The following KRT6C variants were observed in gnomAD, a reference collection of about 807,000 sequenced individuals.
KRT6C encodes keratin, type II cytoskeletal 6C.
In KRT6C, 46 loss-of-function variants were observed where a neutral mutation model predicts 49.4. The ratio of observed to expected loss-of-function variants is 0.93; its 90% CI spans 0.74 to 1.19. The LOEUF is 1.19. Ranked by LOEUF, KRT6C falls within the 50% of genes most tolerant of loss-of-function variation. The probability of loss-of-function intolerance (pLI) is 0.00; values close to 1 mark genes in which losing one functional copy is unlikely to be tolerated. For synonymous variants in KRT6C, 236 were observed against 297.1 expected (o/e 0.79, Z 2.12); for missense variants, 552 against 737.5 (o/e 0.75, Z 2.91).
chr12:52,470,017 G>C lies in KRT6C; in HGVS notation c.1204-127C>G, dbSNP rs75171044. 6.4e-4 allele frequency: 703 copies of C among 1,099,702 alleles called. 1 individual carries two copies. Among genetic ancestry groups the C allele is most frequent in the Non-Finnish European group, 8.6e-4 (637 of 739,648 alleles). The allele number at this position is 1,099,702 out of a possible 1,614,324, so 68.1% of individuals were successfully genotyped here. On this transcript the variant is annotated intron_variant, in intron 6 of 8. Coordinates refer to ENST00000252250, the MANE Select transcript of KRT6C (RefSeq NM_173086.5). The stretch of plus-strand genomic sequence containing the variant: ...AATGAGCTTTGACTCTTCCTGTCCA[G>C]TATTTCTCCATTTGGCAATATTTGT...
Position 52,469,307 on chromosome 12 carries a change from G to A in KRT6C, c.1460-10C>T. On this transcript the variant is annotated splice_polypyrimidine_tract_variant and intron_variant, in intron 8 of 8. Coordinates refer to ENST00000252250, the MANE Select transcript of KRT6C (RefSeq NM_173086.5). ...GTGGACTGTACTACAGCTGTGGTGG[G>A]GAGGGGACAAGGACACAAGAAGCCA... 6.2e-7 allele frequency: 1 copy of A among 1,613,626 alleles called. No individual in the cohort carries two copies. Among genetic ancestry groups the A allele is most frequent in the African/African-American group, 1.3e-5 (1 of 74,960 alleles).
In KRT6C at chr12:52,469,367, G is replaced by A. The variant is rs780578107; in HGVS notation, c.1459+44C>T. On this transcript the variant is annotated intron_variant, in intron 8 of 8. Coordinates refer to ENST00000252250, the MANE Select transcript of KRT6C (RefSeq NM_173086.5). The stretch of plus-strand genomic sequence containing the variant: ...CATCCTGCCGGCCTGAGCCCAGTCA[G>A]AAGAGTGCGAGGGCAGGGGAGGAAG... 3 of 1,614,080 alleles carry A rather than the reference G, an allele frequency of 1.9e-6. No homozygotes were observed. The Admixed American group carries it at 5.0e-5, about 27-fold the overall frequency.
intron 4 of KRT6C, 53 bp from the exon 5 acceptor site, chr12:52,471,349 A>G (rs1033651096): frequency 5.6e-6 from 9 of 1,614,050 alleles, no homozygotes; most frequent in African/African-American, 4.0e-5. Flanking sequence ...TTACAGAGAT[A>G]CCCAACCCTA....
intron 6 of KRT6C, chr12:52,470,275 G>A (rs1937851650): frequency 1.5e-6 from 1 of 674,298 alleles, no homozygotes; most frequent in Non-Finnish European, 2.5e-6. Context: ...TAGGGGAGGT[G>A]GTAACTTTTT....
chr12:52,470,092 C>A, intron 6 of KRT6C: 1 of 686,616 alleles, frequency 1.5e-6, no homozygotes, highest in Non-Finnish European at 2.5e-6. Flanking sequence ...TATTAAGCAC[C>A]CGCATGAGAA....
intron 8 of KRT6C, 28 bp from the exon 9 acceptor site, chr12:52,469,325 A>G: frequency 1.2e-6 from 2 of 1,614,024 alleles, no homozygotes; most frequent in Non-Finnish European, 1.7e-6. Flanking sequence ...CAAGGACACA[A>G]GAAGCCACGG....
At position 52,473,785 on chromosome 12, in the gene KRT6C, G is replaced by C. The variant is rs760603221; in HGVS notation, c.-48C>G. ...GTGGCGAGCGTTGGAGGCTGGAGGCGAGAGGCAGGAGAAGCAGGACAAGGA... is the reference window on the plus strand; with the variant it reads ...GTGGCGAGCGTTGGAGGCTGGAGGCCAGAGGCAGGAGAAGCAGGACAAGGA... On this transcript the variant is annotated 5_prime_UTR_variant, in exon 1 of 9. Transcript: ENST00000252250. 1 of 1,613,450 alleles carries C rather than the reference G, an allele frequency of 6.2e-7. No homozygotes were observed. The highest frequency in any genetic ancestry group is 2.2e-5 in the East Asian group (1 of 44,860).
intron 6 of KRT6C, 188 bp downstream of exon 6, chr12:52,470,317 C>T (rs1237127720): frequency 9.8e-7 from 1 of 1,021,464 alleles, no homozygotes; most frequent in East Asian, 2.6e-5. Context: ...CTTGCTTGTG[C>T]CTCAGAGGCT....
intron 1 of KRT6C, among the ~76,000 whole-genome samples, chr12:52,472,482 C>T (rs1424978281): frequency 1.5e-5 from 2 of 135,214 alleles, no homozygotes; most frequent in Non-Finnish European, 3.4e-5. Context: ...GTCCCATGGA[C>T]CATTGAGGTG....
At position 52,470,611 on chromosome 12, in the gene KRT6C, G is replaced by C. The variant is rs1937860294; in HGVS notation, c.1097C>G (p.Thr366Arg). Residue 366 changes from threonine to arginine, a missense_variant, in exon 6 of 9, where the codon ACA becomes AGA. This residue lies in a region of KRT6C where 425 missense variants were observed against 439.4 expected (regional missense o/e 0.97). Transcript: ENST00000252250. ...CAGGTCGTCCCCATGTCTGCCTGCTGTGACCTGCAGCTCCTCGTACTGCAG... is the reference window on the plus strand; with the variant it reads ...CAGGTCGTCCCCATGTCTGCCTGCTCTGACCTGCAGCTCCTCGTACTGCAG... The part of the protein sequence containing the change: ...YQTKYEELQV[T>R]AGRHGDDLRN... 6.2e-6 allele frequency: 10 copies of C among 1,614,044 alleles called. No homozygotes were observed. In the East Asian group the frequency reaches 2.2e-4, roughly 36 times the overall value.
chr12:52,469,993 A>G, intron 6 of KRT6C, 103 bp from the exon 7 acceptor site: 1 of 1,287,748 alleles, frequency 7.8e-7, no homozygotes, highest in Non-Finnish European at 1.1e-6. Flanking sequence ...TTGACAGAGA[A>G]TGAGCTTTGA....
rs2121517848 is a variant in KRT6C at position 52,470,494 on chromosome 12, C to T, written c.1203+11G>A. 9 of 1,614,066 alleles carry T rather than the reference C, an allele frequency of 5.6e-6. No homozygotes were observed. Among genetic ancestry groups the T allele is most frequent in the East Asian group, 4.5e-5 (2 of 44,886 alleles). ...AATGATGCTTCTTTCCTCCACTGCACCTCACTGTACCTGCTTCTTGACATG... is the reference window on the plus strand; with the variant it reads ...AATGATGCTTCTTTCCTCCACTGCATCTCACTGTACCTGCTTCTTGACATG... On this transcript the variant is annotated intron_variant, in intron 6 of 8. Transcript: ENST00000252250.
intron 6 of KRT6C, 170 bp downstream of exon 6, chr12:52,470,335 T>C (rs1354349012): frequency 2.4e-6 from 3 of 1,230,872 alleles, no homozygotes; most frequent in Admixed American, 1.9e-5. Flanking sequence ...GCTCATCCTC[T>C]TGGGTGGGAT....
At chr12:52,470,667 G>C in intron 5 of KRT6C, 37 bp from the exon 6 acceptor site, 3 of 1,613,690 alleles carry the variant, frequency 1.9e-6, no homozygotes. Context: ...CAGTGTCTAC[G>C]GGTTCTTACC....
rs1351795636 is a variant in KRT6C, at chr12:52,469,723, G to A, written c.1371C>T (p.Ala457=). The change falls in exon 7 of 9, where the codon GCC becomes GCT. Residue 457 remains alanine (A), a synonymous_variant. Transcript: ENST00000252250. The part of the protein sequence containing the change: ...EYQELMNVKL[A]LDVEIATYRK... The stretch of plus-strand genomic sequence containing the variant: ...GGTAGGTGGCGATCTCCACATCCAG[G>A]GCCAGCTTGACATTCATCAGCTCCT... 4.3e-6 allele frequency: 7 copies of A among 1,613,992 alleles called. No individual in the cohort carries two copies. The highest frequency in any genetic ancestry group is 1.7e-5 in the Admixed American group (1 of 59,998).
Position 52,468,601 on chromosome 12 carries a change from C to T in KRT6C, c.*461G>A, listed in dbSNP as rs576800798. 4 of 208,670 alleles carry T rather than the reference C, an allele frequency of 1.9e-5. No homozygotes were observed. The highest frequency in any genetic ancestry group is 5.2e-5 in the Admixed American group (1 of 19,078). 12.9% of individuals were successfully genotyped at this position (208,670 alleles called of 1,614,324 possible). ...AGGGAGAAAGACTGTGTACATCATACGACTAGTCACTTGTGCTTCCATGCA... is the reference window on the plus strand; with the variant it reads ...AGGGAGAAAGACTGTGTACATCATATGACTAGTCACTTGTGCTTCCATGCA... On this transcript the variant is annotated 3_prime_UTR_variant, in exon 9 of 9. Coordinates refer to ENST00000252250, the MANE Select transcript of KRT6C (RefSeq NM_173086.5).
rs1279590825 is a variant in KRT6C, at chr12:52,472,187, G to A, written c.634C>T (p.Pro212Ser). ...GTKTVRQNLE[P>S]LFEQYINNLR... ...TTGTTGATGTACTGCTCGAACAACG[G>A]CTCCAGGTTCTGCCTCACAGTCTTG... The change falls in exon 2 of 9, where the codon CCG (proline) becomes TCG (serine). Residue 212 changes from proline (P) to serine (S), a missense_variant. Around this residue, in one of 3 missense-constraint regions of KRT6C, gnomAD observed 54 missense variants for 195.9 expected, o/e 0.28. Coordinates refer to ENST00000252250, the MANE Select transcript of KRT6C (RefSeq NM_173086.5). 1.4e-6 allele frequency: 2 copies of A among 1,481,196 alleles called. No individual in the cohort carries two copies. The highest frequency in any genetic ancestry group is 1.7e-5 in the Admixed American group (1 of 57,742). The allele number at this position is 1,481,196 out of a possible 1,614,324, so 91.8% of individuals were successfully genotyped here.
At position 52,468,668 on chromosome 12, in the gene KRT6C, T is replaced by G. The variant is rs1359239384; in HGVS notation, c.*394A>C. 1 of 261,410 alleles carries G rather than the reference T, an allele frequency of 3.8e-6. No homozygotes were observed. Among genetic ancestry groups the G allele is most frequent in the Non-Finnish European group, 7.4e-6 (1 of 135,600 alleles). 16.2% of individuals were successfully genotyped at this position (261,410 alleles called of 1,614,324 possible). A position where few individuals can be genotyped will look rare whatever the true frequency, so the allele number is the denominator to read the frequency against. On this transcript the variant is annotated 3_prime_UTR_variant, in exon 9 of 9. Transcript: ENST00000252250. Reference sequence around the variant, plus strand: ...TTCACAATACTTTTAACTTAGGGAGTTTGGGGGCCAATGGAAAATAAGTGG... The same window carrying G: ...TTCACAATACTTTTAACTTAGGGAGGTTGGGGGCCAATGGAAAATAAGTGG...
Position 52,470,643 on chromosome 12 carries a change from G to A in KRT6C, c.1078-13C>T, listed in dbSNP as rs1937861112. The A allele has an allele frequency of 8.1e-6, 13 of 1,613,872 alleles. 1 individual carries two copies. In the East Asian group the frequency reaches 2.9e-4, roughly 36 times the overall value. On this transcript the variant is annotated splice_polypyrimidine_tract_variant and intron_variant, in intron 5 of 8. Transcript: ENST00000252250. ...GCAGCTCCTCGTACTGCAGCCCAGAGGTGGAGAGAGAGACAGTGTCTACGG... is the reference window on the plus strand; with the variant it reads ...GCAGCTCCTCGTACTGCAGCCCAGAAGTGGAGAGAGAGACAGTGTCTACGG...
Sources: allele counts gnomAD v4.1 joint callset (sites outside exome capture counted in the v4.1 genomes callset), GRCh38; gene constraint gnomAD v4.1.1; regional missense constraint gnomAD v4.1.1; transcripts MANE v1.5; gene names NCBI Gene and HGNC (gene_info 2026-07-23, HGNC 2026-07-21).